The following FRAS1 variants were observed in gnomAD, a reference collection of about 807,000 sequenced individuals.
FRAS1 encodes the protein Fraser extracellular matrix complex subunit 1, also known as extracellular matrix organizing protein FRAS1.
FRAS1 carries 290 observed loss-of-function variants against 435.2 expected under a neutral mutation model. The observed-to-expected ratio is 0.67, with a 90% CI of 0.61 to 0.73. The LOEUF is 0.73. Among genes scored for constraint, FRAS1 ranks in the 30% least tolerant of loss-of-function variants. The probability of loss-of-function intolerance (pLI) is 0.00; values close to 1 mark genes in which losing one functional copy is unlikely to be tolerated. For synonymous variants in FRAS1, 1,800 were observed against 1,851.0 expected, an observed-to-expected ratio of 0.97 and a Z score of 0.71; for missense variants, 4,860 against 5,001.5, an observed-to-expected ratio of 0.97 and a Z score of 0.85.
At chr4:78,430,560 CT>C in intron 37 of FRAS1, 143 bp downstream of exon 37, 1 of 878,728 alleles carries the variant, frequency 1.1e-6, no homozygotes, top group Non-Finnish European at 1.6e-6. Flanking sequence ...GTTTCATTGG[CT>C]TTGATATTTG....
At chr4:78,328,198 A>C (rs938474042) in intron 18 of FRAS1, among the ~76,000 whole-genome samples, 11 of 152,292 alleles carry the variant, frequency 7.2e-5, no homozygotes, top group African/African-American at 2.6e-4. Context: ...CTTTGTGCAC[A>C]TTGAGTAAGG....
chr4:78,303,338 G>C (rs1235317766), intron 14 of FRAS1, among the ~76,000 whole-genome samples: 1 of 152,104 alleles, frequency 6.6e-6, no homozygotes, highest in African/African-American at 2.4e-5. Context: ...CTTGGCGATG[G>C]AGGCTCTTTT....
At chr4:78,284,366 A>C in intron 12 of FRAS1, 39 bp from the exon 13 acceptor site, 1 of 1,602,290 alleles carries the variant, frequency 6.2e-7, no homozygotes, top group Non-Finnish European at 8.5e-7. Context: ...TAATAGATGG[A>C]GTTCACAGAG....
intron 2 of FRAS1, among the ~76,000 whole-genome samples, chr4:78,229,031 G>C (rs961765992): frequency 1.3e-5 from 2 of 152,164 alleles, no homozygotes; most frequent in African/African-American, 4.8e-5. Context: ...ACCTGACTTA[G>C]TGTGGTATAT....
At chr4:78,420,438 C>T (rs1733724683) in intron 33 of FRAS1, among the ~76,000 whole-genome samples, 1 of 152,190 alleles carries the variant, frequency 6.6e-6, no homozygotes, top group Non-Finnish European at 1.5e-5. Flanking sequence ...TCAAGCCTGA[C>T]ATGTGCCCTC....
At chr4:78,274,070 C>A (rs1158982004) in intron 9 of FRAS1, among the ~76,000 whole-genome samples, 1 of 152,138 alleles carries the variant, frequency 6.6e-6, no homozygotes, top group Non-Finnish European at 1.5e-5. Flanking sequence ...GGAATTTATC[C>A]ATTTCCTTTA....
At chr4:78,375,685 T>C in intron 25 of FRAS1, 54 bp from the exon 26 acceptor site, 1 of 1,478,850 alleles carries the variant, frequency 6.8e-7, no homozygotes, top group East Asian at 2.5e-5. Flanking sequence ...CTTTATTTCT[T>C]TGTCGCTGGT....
chr4:78,112,843 A>G (rs1742830265), intron 2 of FRAS1, among the ~76,000 whole-genome samples: 1 of 151,764 alleles, frequency 6.6e-6, no homozygotes, highest in East Asian at 1.9e-4. Flanking sequence ...TTTTTTTATT[A>G]TACTTTAAGT....
intron 15 of FRAS1, among the ~76,000 whole-genome samples, chr4:78,310,684 T>G (rs1728980426): frequency 6.6e-6 from 1 of 152,234 alleles, no homozygotes; most frequent in Admixed American, 6.5e-5. Context: ...ATTCTCCAAG[T>G]TTGTTTCAAA....
chr4:78,460,185 A>G (rs1719327203), intron 47 of FRAS1, among the ~76,000 whole-genome samples: 1 of 152,186 alleles, frequency 6.6e-6, no homozygotes, highest in Non-Finnish European at 1.5e-5. Context: ...GCATCATCTA[A>G]CACGCTGTTA....
intron 14 of FRAS1, among the ~76,000 whole-genome samples, chr4:78,306,799 G>C (rs531837371): frequency 1.3e-5 from 2 of 151,930 alleles, no homozygotes; most frequent in African/African-American, 2.4e-5. Flanking sequence ...ACTTCTTTGC[G>C]TTTGGTTTGA....
At chr4:78,257,374 C>T (rs911738995) in intron 6 of FRAS1, among the ~76,000 whole-genome samples, 2 of 151,998 alleles carry the variant, frequency 1.3e-5, no homozygotes, top group African/African-American at 4.8e-5. Context: ...CTAATAATAA[C>T]CATAATAATG....
chr4:78,416,227 A>C (rs1733547772), intron 32 of FRAS1, among the ~76,000 whole-genome samples: 1 of 152,078 alleles, frequency 6.6e-6, no homozygotes, highest in Admixed American at 6.5e-5. Context: ...CTTATATAAG[A>C]TATAAAGTAG....
At chr4:78,394,139 T>G (rs11721591) in intron 29 of FRAS1, among the ~76,000 whole-genome samples, 23,648 of 151,904 alleles carry the variant, frequency 0.16, 2,297 homozygotes, top group Non-Finnish European at 0.23. Context: ...GGTTTTGCAA[T>G]TATTTTCTCC....
rs531951284 is a variant in FRAS1, at chr4:78,073,313, G to T, written c.108+7297G>T. On this transcript the variant is annotated intron_variant, in intron 2 of 73. Transcript: ENST00000512123. ...TGCATTTTTATTCTTATTCATATTT[G>T]TGTGGTAGGAACAGATGTTTTAAGT... Among the ~76,000 whole-genome samples the T allele has an allele frequency of 7.8e-4, 119 of 152,162 alleles. 1 individual carries two copies. Among genetic ancestry groups the T allele is most frequent in the African/African-American group, 2.8e-3 (116 of 41,544 alleles).
chr4:78,393,056 A>G (rs762813102), intron 29 of FRAS1, among the ~76,000 whole-genome samples: 3 of 150,830 alleles, frequency 2.0e-5, no homozygotes, highest in Non-Finnish European at 3.0e-5. Flanking sequence ...GGAATGATTG[A>G]CATGTAAAAA....
chr4:78,464,710 G>C, intron 49 of FRAS1, 127 bp downstream of exon 49: 1 of 968,846 alleles, frequency 1.0e-6, no homozygotes, highest in Non-Finnish European at 1.5e-6. Context: ...CATCCTTGAA[G>C]GATTAAAATA....
chr4:78,435,153 GC>G (rs1734366260), intron 38 of FRAS1, among the ~76,000 whole-genome samples: 2 of 152,158 alleles, frequency 1.3e-5, no homozygotes, highest in Admixed American at 6.5e-5. Context: ...CTACTTGGGG[GC>G]TGAGGTGGGA....
intron 19 of FRAS1, among the ~76,000 whole-genome samples, chr4:78,337,245 C>G (rs1163967320): frequency 6.6e-6 from 1 of 152,130 alleles, no homozygotes; most frequent in Non-Finnish European, 1.5e-5. Context: ...TGGATTCCCC[C>G]CTCATCTGCT....
Sources: allele counts gnomAD v4.1 joint callset (sites outside exome capture counted in the v4.1 genomes callset), GRCh38; gene constraint gnomAD v4.1.1; transcripts MANE v1.5; gene names NCBI Gene and HGNC (gene_info 2026-07-23, HGNC 2026-07-21).